The following ZFC3H1 variants were observed in gnomAD, a reference collection of about 807,000 sequenced individuals.
The protein encoded by ZFC3H1 is zinc finger C3H1 domain-containing protein.
In ZFC3H1, 71 loss-of-function variants were observed where a neutral mutation model predicts 243.7. The ratio of observed to expected loss-of-function variants is 0.29; its 90% CI spans 0.24 to 0.36. The LOEUF is 0.36. ZFC3H1 is among the 10% of genes least tolerant of loss of function. ZFC3H1 has a pLI of 1.00. For missense variants in ZFC3H1, 1,966 were observed against 2,317.1 expected, an observed-to-expected ratio of 0.85 and a Z score of 3.11; for synonymous variants, 838 against 813.0, an observed-to-expected ratio of 1.03 and a Z score of -0.52.
intron 32 of ZFC3H1, 197 bp from the exon 33 acceptor site, chr12:71,611,294 C>A: frequency 8.2e-6 from 3 of 366,506 alleles, no homozygotes; most frequent in Non-Finnish European, 9.0e-6. Context: ...TTTTTATCAA[C>A]TTTACAAGAA....
At chr12:71,624,076 G>C in intron 23 of ZFC3H1, 28 bp downstream of exon 23, 1 of 1,575,148 alleles carries the variant, frequency 6.3e-7, no homozygotes, top group African/African-American at 1.4e-5. Flanking sequence ...TCTGCAAAAT[G>C]CAATTAAATG....
At chr12:71,644,776 C>T (rs898914867) in intron 4 of ZFC3H1, 101 bp downstream of exon 4, 4 of 1,335,146 alleles carry the variant, frequency 3.0e-6, no homozygotes, top group Non-Finnish European at 4.1e-6. Flanking sequence ...AAAGATCATG[C>T]CACTGTACTC....
intron 26 of ZFC3H1, 129 bp from the exon 27 acceptor site, chr12:71,619,538 G>C: frequency 1.3e-6 from 1 of 791,000 alleles, no homozygotes; most frequent in African/African-American, 1.8e-5. Flanking sequence ...AGGGGCGGAG[G>C]GGATAAGTTT....
intron 2 of ZFC3H1, chr12:71,656,288 G>A: frequency 2.9e-6 from 1 of 341,354 alleles, no homozygotes. Context: ...AAATTTTACT[G>A]TATATAAATT....
intron 16 of ZFC3H1, among the ~76,000 whole-genome samples, chr12:71,631,540 A>G (rs1168894607): frequency 6.6e-6 from 1 of 152,120 alleles, no homozygotes; most frequent in Non-Finnish European, 1.5e-5. Flanking sequence ...GAAATCCAAA[A>G]TTCTCCACAC....
At chr12:71,628,680 C>T (rs1255980105) in intron 20 of ZFC3H1, among the ~76,000 whole-genome samples, 1 of 152,224 alleles carries the variant, frequency 6.6e-6, no homozygotes, top group Non-Finnish European at 1.5e-5. Flanking sequence ...TAATTATTAA[C>T]TAAGCAGTGC....
intron 2 of ZFC3H1, among the ~76,000 whole-genome samples, chr12:71,649,091 C>CAAAAAAAAAAAAAAAA (rs35231608): frequency 1.1e-5 from 1 of 89,826 alleles, no homozygotes; most frequent in African/African-American, 3.9e-5. Context: ...ACTCTTGTCT[C>CAAAAAAAAAAAAAAAA]AAAAAAAAAA....
intron 1 of ZFC3H1, among the ~76,000 whole-genome samples, chr12:71,659,635 G>C (rs1881113574): frequency 6.6e-6 from 1 of 151,784 alleles, no homozygotes; most frequent in South Asian, 2.1e-4. Context: ...ATGCTAAATA[G>C]AAAAATAAGG....
intron 2 of ZFC3H1, among the ~76,000 whole-genome samples, chr12:71,649,113 A>G (rs545012070): frequency 2.0e-4 from 31 of 151,788 alleles, no homozygotes; most frequent in Non-Finnish European, 3.8e-4. Context: ...AAAAAAAAGA[A>G]AAGAAAAGAA....
intron 20 of ZFC3H1, 119 bp from the exon 21 acceptor site, chr12:71,628,053 G>T: frequency 2.0e-6 from 2 of 983,206 alleles, no homozygotes; most frequent in Non-Finnish European, 3.0e-6. Context: ...CTAATGACAT[G>T]TACTAGCTCA....
At chr12:71,613,647 T>A (rs1388716982) in intron 30 of ZFC3H1, 12 of 395,454 alleles carry the variant, frequency 3.0e-5, no homozygotes, top group Non-Finnish European at 5.0e-5. Context: ...ATGAGAGCCA[T>A]GGGCAGAACA....
In ZFC3H1 at chr12:71,651,295, T is replaced by C. The variant is rs1433047338; in HGVS notation, c.1016-3482A>G. The stretch of plus-strand genomic sequence containing the variant: ...TGTCTTCAAAGTCTTTCTTTAAATC[T>C]CACCTTCAAATAGACACCATGCTGA... On this transcript the variant is annotated intron_variant, in intron 2 of 34. Transcript: ENST00000378743. Among the ~76,000 whole-genome samples the C allele has an allele frequency of 2.0e-5, 3 of 152,212 alleles. No homozygotes were observed. In the South Asian group the frequency reaches 6.2e-4, roughly 31 times the overall value.
chr12:71,644,794 G>C, intron 4 of ZFC3H1, 83 bp downstream of exon 4: 1 of 1,483,636 alleles, frequency 6.7e-7, no homozygotes. Flanking sequence ...CTCCAGCCTG[G>C]GCGACAAGAG....
At chr12:71,655,091 A>G (rs1401582382) in intron 2 of ZFC3H1, among the ~76,000 whole-genome samples, 2 of 152,198 alleles carry the variant, frequency 1.3e-5, no homozygotes, top group African/African-American at 4.8e-5. Context: ...AACAACACAA[A>G]AAGCTCAAGT....
intron 1 of ZFC3H1, among the ~76,000 whole-genome samples, chr12:71,662,504 C>A (rs1265409840): frequency 1.4e-5 from 2 of 146,380 alleles, no homozygotes; most frequent in Admixed American, 6.8e-5. Flanking sequence ...CCCTCCCCCC[C>A]CCACTTTAAA....
At chr12:71,655,516 T>C (rs1880993975) in intron 2 of ZFC3H1, among the ~76,000 whole-genome samples, 1 of 152,076 alleles carries the variant, frequency 6.6e-6, no homozygotes, top group Non-Finnish European at 1.5e-5. Flanking sequence ...TTATAAATAC[T>C]ACAGATAAAA....
In ZFC3H1 at chr12:71,610,523, G is replaced by A. The variant is rs964201091; in HGVS notation, c.5875C>T (p.Leu1959=). The A allele has an allele frequency of 1.2e-6, 2 of 1,613,614 alleles. No homozygotes were observed. The highest frequency in any genetic ancestry group is 1.1e-5 in the South Asian group (1 of 91,058). Reference sequence around the variant, plus strand: ...TGGCACTTGGAAACTAGTTTTCTCAGGTTATCAGTTTTACCTCCTTCTGAT... The same window carrying A: ...TGGCACTTGGAAACTAGTTTTCTCAAGTTATCAGTTTTACCTCCTTCTGAT... ...EASEGGKTDN[L]RKLVSKCQEI... Residue 1959 remains leucine (L), a synonymous_variant, in exon 35 of 35, where the codon CTG becomes TTG. Transcript: ENST00000378743.
intron 1 of ZFC3H1, among the ~76,000 whole-genome samples, chr12:71,658,191 T>C (rs1881069653): frequency 1.3e-5 from 2 of 151,358 alleles, no homozygotes; most frequent in African/African-American, 4.9e-5. Flanking sequence ...AAACAATTCA[T>C]ACACGAGAAT....
In ZFC3H1 at chr12:71,613,329, T is replaced by A. The variant is rs201544934; in HGVS notation, c.5627+6A>T. The A allele has an allele frequency of 1.6e-3, 2,638 of 1,602,960 alleles. 9 individuals are homozygous for A. The highest frequency in any genetic ancestry group is 1.9e-3 in the Non-Finnish European group (2,193 of 1,173,650). Reference sequence around the variant, plus strand: ...GAGGACCAAAAGAATGTTAAGTTTTTCTTACCTCAATGCAAGTCCAGAATT... The same window carrying A: ...GAGGACCAAAAGAATGTTAAGTTTTACTTACCTCAATGCAAGTCCAGAATT... On this transcript the variant is annotated splice_donor_region_variant and intron_variant, in intron 31 of 34. Coordinates refer to ENST00000378743, the MANE Select transcript of ZFC3H1 (RefSeq NM_144982.5).
Sources: gnomAD v4.1 joint callset for allele counts (sites outside exome capture counted in the v4.1 genomes callset) on GRCh38, gnomAD v4.1.1 for gene constraint, MANE v1.5 for transcripts, NCBI Gene and HGNC (gene_info 2026-07-23, HGNC 2026-07-21) for gene names.